The following SNTB2 variants were observed in gnomAD, a reference collection of about 807,000 sequenced individuals.
The protein encoded by SNTB2 is beta-2-syntrophin.
SNTB2 carries 34 observed loss-of-function variants against 46.2 expected under a neutral mutation model. That is an observed-to-expected ratio of 0.74 (90% CI 0.56 to 0.98). The LOEUF (loss-of-function observed/expected upper bound fraction) is 0.98. SNTB2 is among the 50% of genes least tolerant of loss of function. SNTB2 has a pLI of 0.00. For missense variants in SNTB2, 603 were observed against 731.4 expected, an observed-to-expected ratio of 0.82 and a Z score of 2.02; for synonymous variants, 290 against 312.6, an observed-to-expected ratio of 0.93 and a Z score of 0.76.
At chr16:69,200,029 C>T (rs535977786) in intron 1 of SNTB2, among the ~76,000 whole-genome samples, 6 of 152,160 alleles carry the variant, frequency 3.9e-5, no homozygotes, top group South Asian at 2.1e-4. Context: ...ATTCTCCTGC[C>T]GCAGCCTCTT....
At chr16:69,253,064 T>C (rs889468632) in intron 2 of SNTB2, among the ~76,000 whole-genome samples, 2 of 151,898 alleles carry the variant, frequency 1.3e-5, no homozygotes, top group Non-Finnish European at 2.9e-5. Context: ...CACGCCCAGC[T>C]AATTTTTTGT....
intron 5 of SNTB2, among the ~76,000 whole-genome samples, chr16:69,297,774 C>T (rs547210600): frequency 5.3e-5 from 8 of 151,206 alleles, no homozygotes; most frequent in Non-Finnish European, 8.9e-5. Flanking sequence ...ATTAGCCGGG[C>T]GTGGTGGTGT....
chr16:69,207,950 A>G (rs1279249822), intron 1 of SNTB2, among the ~76,000 whole-genome samples: 1 of 147,166 alleles, frequency 6.8e-6, no homozygotes, highest in Non-Finnish European at 1.5e-5. Flanking sequence ...CTCAACTAAA[A>G]ATACAAAAAT....
At chr16:69,275,094 G>A (rs937968926) in intron 4 of SNTB2, among the ~76,000 whole-genome samples, 18 of 136,950 alleles carry the variant, frequency 1.3e-4, no homozygotes, top group Admixed American at 3.2e-4. Flanking sequence ...TTTTTCTGAC[G>A]AACTCTCACT....
intron 2 of SNTB2, among the ~76,000 whole-genome samples, chr16:69,259,791 G>A (rs1173708478): frequency 6.7e-6 from 1 of 150,188 alleles, no homozygotes; most frequent in Non-Finnish European, 1.5e-5. Flanking sequence ...TTATATATTA[G>A]CAGAGACAGA....
At chr16:69,219,047 G>T (rs570961553) in intron 1 of SNTB2, among the ~76,000 whole-genome samples, 2 of 152,192 alleles carry the variant, frequency 1.3e-5, no homozygotes, top group Non-Finnish European at 2.9e-5. Flanking sequence ...GGGCATTGGA[G>T]AAGTGAGTAT....
intron 5 of SNTB2, among the ~76,000 whole-genome samples, chr16:69,296,404 G>T (rs963707299): frequency 6.6e-6 from 1 of 151,776 alleles, no homozygotes; most frequent in Non-Finnish European, 1.5e-5. Flanking sequence ...TTCTCCAGGG[G>T]AAACAATCCA....
chr16:69,268,142 G>C lies in SNTB2; in HGVS notation c.1006-2001G>C, dbSNP rs536781209. Among the ~76,000 whole-genome samples, 19 of 152,214 alleles carry C rather than the reference G, an allele frequency of 1.2e-4. No homozygotes were observed. In the East Asian group the frequency reaches 2.3e-3, roughly 19 times the overall value. On this transcript the variant is annotated intron_variant, in intron 3 of 6. Transcript: ENST00000336278. ...GAGCATTATACAAGTAAATTCAATG[G>C]TACCTTCTAAGCTGAAACATAAACT...
intron 1 of SNTB2, among the ~76,000 whole-genome samples, chr16:69,206,143 C>T (rs903905190): frequency 2.5e-4 from 38 of 152,114 alleles, no homozygotes; most frequent in African/African-American, 8.9e-4. Flanking sequence ...ATTACAGGAG[C>T]GTGCCACCAC....
At chr16:69,195,021 G>A (rs1964090061) in intron 1 of SNTB2, among the ~76,000 whole-genome samples, 1 of 152,164 alleles carries the variant, frequency 6.6e-6, no homozygotes, top group South Asian at 2.1e-4. Flanking sequence ...TGCTTGACAT[G>A]TCAAGTGAAT....
At chr16:69,286,702 T>C (rs1187342405) in intron 5 of SNTB2, among the ~76,000 whole-genome samples, 3 of 149,034 alleles carry the variant, frequency 2.0e-5, no homozygotes, top group African/African-American at 7.4e-5. Flanking sequence ...AATAAATAAA[T>C]TTAATTAAAT....
At position 69,187,619 on chromosome 16, in the gene SNTB2, C is replaced by A; in HGVS notation, c.453C>A (p.Ala151=). ...CCAAGATCTTCCCCGGGCTGGCTGC[C>A]GACCAGAGCCGGGCGCTGCGGCTGG... The part of the protein sequence containing the change: ...LISKIFPGLA[A]DQSRALRLGD... The change falls in exon 1 of 7, where the codon GCC becomes GCA. Residue 151 remains alanine, a synonymous_variant. Coordinates refer to ENST00000336278, the MANE Select transcript of SNTB2 (RefSeq NM_006750.4). 6.4e-7 allele frequency: 1 copy of A among 1,556,742 alleles called. No homozygotes were observed. Among genetic ancestry groups the A allele is most frequent in the African/African-American group, 1.4e-5 (1 of 70,920 alleles).
intron 3 of SNTB2, among the ~76,000 whole-genome samples, chr16:69,266,667 C>A (rs747483698): frequency 1.3e-5 from 2 of 152,070 alleles, no homozygotes; most frequent in African/African-American, 2.4e-5. Context: ...TATACTCTAG[C>A]CTTCAAAAAT....
intron 2 of SNTB2, among the ~76,000 whole-genome samples, chr16:69,258,197 T>G (rs751783107): frequency 6.6e-6 from 1 of 152,204 alleles, no homozygotes; most frequent in Non-Finnish European, 1.5e-5. Flanking sequence ...CCCTGGTCAT[T>G]GGCAGTTTGT....
At chr16:69,293,210 T>G (rs1965191356) in intron 5 of SNTB2, among the ~76,000 whole-genome samples, 1 of 152,162 alleles carries the variant, frequency 6.6e-6, no homozygotes, top group Non-Finnish European at 1.5e-5. Context: ...TGAGTCAGTT[T>G]GGCTCATATG....
intron 1 of SNTB2, among the ~76,000 whole-genome samples, chr16:69,192,287 G>C (rs1964062953): frequency 1.3e-5 from 2 of 152,216 alleles, no homozygotes; most frequent in Non-Finnish European, 2.9e-5. Context: ...GTTGATGCTT[G>C]TCAGGGGACA....
At chr16:69,202,750 A>G (rs1429361641) in intron 1 of SNTB2, among the ~76,000 whole-genome samples, 1 of 151,680 alleles carries the variant, frequency 6.6e-6, no homozygotes, top group Non-Finnish European at 1.5e-5. Flanking sequence ...TAATTTTTGT[A>G]TTTTTAGTAG....
At chr16:69,251,482 A>T (rs1488194040) in intron 2 of SNTB2, among the ~76,000 whole-genome samples, 1 of 149,240 alleles carries the variant, frequency 6.7e-6, no homozygotes, top group African/African-American at 2.4e-5. Flanking sequence ...AAAAAAAAAA[A>T]AAAAAAAAAA....
chr16:69,292,384 TATATATTATATATATATATATATTA>T (rs1965173312), intron 5 of SNTB2, among the ~76,000 whole-genome samples: 3 of 20,338 alleles, frequency 1.5e-4, no homozygotes, highest in South Asian at 5.2e-3. Flanking sequence ...ATATATTATA[TATATATTATATATATATATATATTA>T]TATATATATT....
Sources: gnomAD v4.1 joint callset for allele counts (sites outside exome capture counted in the v4.1 genomes callset) on GRCh38, gnomAD v4.1.1 for gene constraint, MANE v1.5 for transcripts, NCBI Gene and HGNC (gene_info 2026-07-23, HGNC 2026-07-21) for gene names.